The following KCNIP1 variants were observed in gnomAD, a reference collection of about 807,000 sequenced individuals.
The protein encoded by KCNIP1 is A-type potassium channel modulatory protein KCNIP1.
KCNIP1 carries 18 observed loss-of-function variants against 33.0 expected under a neutral mutation model. The observed-to-expected ratio is 0.55, with a 90% CI of 0.38 to 0.81. The LOEUF is 0.81. Among genes scored for constraint, KCNIP1 ranks in the 30% least tolerant of loss-of-function variants. The pLI, the probability that KCNIP1 is intolerant of heterozygous loss-of-function variation, is 0.00. For missense variants in KCNIP1, 238 were observed against 271.6 expected (o/e 0.88, Z 0.87); for synonymous variants, 93 against 98.3 (o/e 0.95, Z 0.32).
chr5:170,654,443 C>T (rs900664349), intron 1 of KCNIP1, among the ~76,000 whole-genome samples: 2 of 152,160 alleles, frequency 1.3e-5, no homozygotes, highest in African/African-American at 4.8e-5. Flanking sequence ...TTGTGTCGTA[C>T]TGTAATGCTG....
At chr5:170,542,101 C>A (rs1756231716) in intron 1 of KCNIP1, among the ~76,000 whole-genome samples, 1 of 152,162 alleles carries the variant, frequency 6.6e-6, no homozygotes, top group African/African-American at 2.4e-5. Context: ...TCAAACTGAA[C>A]AACAGTAATA....
At chr5:170,401,502 G>T (rs892492584) in intron 1 of KCNIP1, among the ~76,000 whole-genome samples, 1 of 152,274 alleles carries the variant, frequency 6.6e-6, no homozygotes, top group Non-Finnish European at 1.5e-5. Flanking sequence ...GGTGGCTCAT[G>T]TCTATAATCC....
At chr5:170,378,858 C>T (rs1241259120) in intron 1 of KCNIP1, 5 of 1,614,266 alleles carry the variant, frequency 3.1e-6, no homozygotes, top group Non-Finnish European at 4.2e-6. Flanking sequence ...GGTTTCGTTC[C>T]CCCGAGGTGC....
chr5:170,543,980 G>T (rs575831701), intron 1 of KCNIP1, among the ~76,000 whole-genome samples: 1 of 152,284 alleles, frequency 6.6e-6, no homozygotes, highest in Admixed American at 6.5e-5. Context: ...TTAATGGGAG[G>T]TAAAACTTAA....
chr5:170,690,544 A>G (rs751343180), intron 1 of KCNIP1, among the ~76,000 whole-genome samples: 5 of 152,238 alleles, frequency 3.3e-5, no homozygotes, highest in Non-Finnish European at 7.3e-5. Flanking sequence ...TGAATGGATT[A>G]ATGCAAAAAC....
At chr5:170,544,361 T>A (rs1370815571) in intron 1 of KCNIP1, among the ~76,000 whole-genome samples, 1 of 152,196 alleles carries the variant, frequency 6.6e-6, no homozygotes, top group Non-Finnish European at 1.5e-5. Context: ...TATTTTAACA[T>A]GTACTATTAC....
intron 1 of KCNIP1, among the ~76,000 whole-genome samples, chr5:170,616,195 T>C (rs967658480): frequency 2.0e-5 from 3 of 152,228 alleles, no homozygotes; most frequent in Non-Finnish European, 4.4e-5. Context: ...CAGTTTTTAT[T>C]CCATAGGGTA....
chr5:170,594,777 C>T (rs1430017585), intron 1 of KCNIP1, among the ~76,000 whole-genome samples: 2 of 152,204 alleles, frequency 1.3e-5, no homozygotes, highest in African/African-American at 2.4e-5. Context: ...TCCCAAAGTG[C>T]TGGGATTACA....
intron 1 of KCNIP1, among the ~76,000 whole-genome samples, chr5:170,713,140 A>T (rs982205157): frequency 6.6e-6 from 1 of 152,358 alleles, no homozygotes; most frequent in Non-Finnish European, 1.5e-5. Context: ...GCCCATTTGC[A>T]GCTCAAGTGT....
At chr5:170,611,803 G>A (rs1276838403) in intron 1 of KCNIP1, among the ~76,000 whole-genome samples, 1 of 152,240 alleles carries the variant, frequency 6.6e-6, no homozygotes, top group Non-Finnish European at 1.5e-5. Context: ...CCCACAGGCA[G>A]TGGGGCTGGG....
intron 1 of KCNIP1, among the ~76,000 whole-genome samples, chr5:170,586,719 T>C (rs920941140): frequency 1.3e-5 from 2 of 152,268 alleles, no homozygotes; most frequent in African/African-American, 2.4e-5. Flanking sequence ...TGGATATTGC[T>C]GTTGCTACTC....
Position 170,504,189 on chromosome 5 carries a change from G to C in KCNIP1, c.-384G>C, listed in dbSNP as rs924297691. 7.9e-5 allele frequency: 81 copies of C among 1,022,124 alleles called. 3 individuals carry two copies. The South Asian group carries it at 3.0e-3, about 38-fold the overall frequency. The allele number at this position is 1,022,124 out of a possible 1,614,324, so 63.3% of individuals were successfully genotyped here. A position where few individuals can be genotyped will look rare whatever the true frequency, so the allele number is the denominator to read the frequency against. ...TGTGCGGCAGGAGGGGCGGGCGGAC[G>C]GCGGCTCCCGCACCGCACGCGGCGC... On this transcript the variant is annotated 5_prime_UTR_variant, in exon 1 of 8. Coordinates refer to ENST00000328939, the MANE Select transcript of KCNIP1 (RefSeq NM_014592.4). This position sits in a 1 kb window ranked among gnomAD's most constrained non-coding sequence, Gnocchi z 6.0.
chr5:170,658,468 T>A (rs543850043), intron 1 of KCNIP1, among the ~76,000 whole-genome samples: 6 of 152,312 alleles, frequency 3.9e-5, no homozygotes, highest in African/African-American at 1.4e-4. Context: ...CTCGCAATAC[T>A]GCCACATTGG....
At chr5:170,678,819 T>G (rs1320773278) in intron 1 of KCNIP1, 1 of 152,248 alleles carries the variant, frequency 6.6e-6, no homozygotes. Context: ...ATGAGTTTTA[T>G]AAGGCAGAGA....
chr5:170,636,891 G>C (rs2113686610), intron 1 of KCNIP1, among the ~76,000 whole-genome samples: 1 of 152,242 alleles, frequency 6.6e-6, no homozygotes, highest in South Asian at 2.1e-4. Context: ...TTAGGGGTGT[G>C]AAACAACCTC....
chr5:170,711,774 C>G (rs913113544), intron 1 of KCNIP1, among the ~76,000 whole-genome samples: 3 of 152,092 alleles, frequency 2.0e-5, no homozygotes, highest in African/African-American at 7.2e-5. Flanking sequence ...CCAGAAGGAT[C>G]AAAGGGGCAA....
chr5:170,482,320 T>C (rs1756996530), intron 1 of KCNIP1, among the ~76,000 whole-genome samples: 1 of 152,160 alleles, frequency 6.6e-6, no homozygotes, highest in Non-Finnish European at 1.5e-5. Flanking sequence ...CAAAGAAGGG[T>C]ATAATTTTAG....
intron 1 of KCNIP1, chr5:170,678,369 G>A (rs1762219510): frequency 6.6e-6 from 1 of 152,236 alleles, no homozygotes; most frequent in Non-Finnish European, 1.5e-5. Context: ...CTAGGAAATA[G>A]TAGGTAAGTC....
intron 1 of KCNIP1, among the ~76,000 whole-genome samples, chr5:170,388,846 C>G (rs1764591958): frequency 6.6e-6 from 1 of 152,236 alleles, no homozygotes; most frequent in Admixed American, 6.5e-5. Context: ...ATCATAGCAC[C>G]TAGCCCCAAA....
Sources: allele counts gnomAD v4.1 joint callset (sites outside exome capture counted in the v4.1 genomes callset), GRCh38; gene constraint gnomAD v4.1.1; non-coding constraint Gnocchi (gnomAD v3.1); transcripts MANE v1.5; gene names NCBI Gene and HGNC (gene_info 2026-07-23, HGNC 2026-07-21).